Variants in FBXW8 observed in about 807,000 individuals in gnomAD.
FBXW8 encodes F-box/WD repeat-containing protein 8.
A neutral mutation model predicts 65.3 loss-of-function variants in FBXW8; 57 were observed. The ratio of observed to expected loss-of-function variants is 0.87; its 90% CI spans 0.71 to 1.09. The LOEUF (loss-of-function observed/expected upper bound fraction) is 1.09. FBXW8 is among the 50% of genes least tolerant of loss of function. FBXW8 has a pLI of 0.00. For missense variants in FBXW8, 777 were observed against 814.8 expected (o/e 0.95, Z 0.57); for synonymous variants, 308 against 330.2 (o/e 0.93, Z 0.73).
chr12:116,929,847 C>T (rs923251836), intron 2 of FBXW8, among the ~76,000 whole-genome samples: 2 of 152,116 alleles, frequency 1.3e-5, no homozygotes, highest in African/African-American at 4.8e-5. Context: ...CATCCTGCCC[C>T]GCCAGCCACT....
chr12:116,987,240 C>T (rs1221378659), intron 6 of FBXW8: 1 of 152,336 alleles, frequency 6.6e-6, no homozygotes, highest in African/African-American at 2.4e-5. Context: ...GGACCGTGTT[C>T]TGGAGGCCGG....
intron 2 of FBXW8, among the ~76,000 whole-genome samples, chr12:116,942,279 C>T (rs1272448119): frequency 6.6e-6 from 1 of 151,934 alleles, no homozygotes; most frequent in Non-Finnish European, 1.5e-5. Context: ...CCTCGGCCTC[C>T]AAAGGTGCTA....
chr12:116,932,420 T>C (rs1010189375), intron 2 of FBXW8, among the ~76,000 whole-genome samples: 2 of 152,214 alleles, frequency 1.3e-5, no homozygotes, highest in Non-Finnish European at 1.5e-5. Context: ...GTTCAGCATA[T>C]GAAGGCGGTT....
At chr12:116,959,433 T>G (rs116645884) in intron 4 of FBXW8, among the ~76,000 whole-genome samples, 28 of 152,300 alleles carry the variant, frequency 1.8e-4, no homozygotes, top group African/African-American at 6.5e-4. Context: ...GCTGTGCCAC[T>G]AAAATGTTTC....
intron 7 of FBXW8, among the ~76,000 whole-genome samples, chr12:116,993,745 T>C (rs1164862192): frequency 1.3e-5 from 2 of 152,224 alleles, no homozygotes; most frequent in East Asian, 3.8e-4. Flanking sequence ...AACTTTTTAG[T>C]TTAATTAGGT....
At chr12:117,002,784 T>C (rs1953564222) in intron 7 of FBXW8, 1 of 152,238 alleles carries the variant, frequency 6.6e-6, no homozygotes, top group Non-Finnish European at 1.5e-5. Context: ...GATTTACTCT[T>C]TTGTCACTGG....
intron 4 of FBXW8, among the ~76,000 whole-genome samples, chr12:116,964,183 C>G (rs1350673374): frequency 2.0e-5 from 3 of 152,226 alleles, no homozygotes; most frequent in Non-Finnish European, 4.4e-5. Flanking sequence ...TTAATTGTTT[C>G]AGCAAATCAA....
chr12:116,985,003 GTAAAA>G (rs1885565427), intron 5 of FBXW8, among the ~76,000 whole-genome samples, 198 bp from the exon 6 acceptor site: 4 of 152,018 alleles, frequency 2.6e-5, no homozygotes, highest in Non-Finnish European at 2.9e-5. Context: ...AAATAAAAAA[GTAAAA>G]TAAAATATTG....
At chr12:116,921,769 A>G (rs2137296566) in intron 1 of FBXW8, among the ~76,000 whole-genome samples, 1 of 150,566 alleles carries the variant, frequency 6.6e-6, no homozygotes, top group Non-Finnish European at 1.5e-5. Flanking sequence ...AAAAGTCTTT[A>G]GTAATATAAT....
chr12:117,022,558 G>A lies in FBXW8; in HGVS notation c.1368-1589G>A, dbSNP rs916516030. On this transcript the variant is annotated intron_variant, in intron 8 of 10. Coordinates refer to ENST00000652555, the MANE Select transcript of FBXW8 (RefSeq NM_153348.3). ...TAGTCCCAGCTATTCGGGACGCTGA[G>A]GTGGGAGGATCACCTGAGCCCAGGA... Among the ~76,000 whole-genome samples, 8 of 152,146 alleles carry A rather than the reference G, an allele frequency of 5.3e-5. No individual in the cohort carries two copies. The East Asian group carries it at 1.2e-3, about 22-fold the overall frequency.
At chr12:117,009,178 G>A (rs944126532) in intron 7 of FBXW8, among the ~76,000 whole-genome samples, 1 of 152,164 alleles carries the variant, frequency 6.6e-6, no homozygotes, top group African/African-American at 2.4e-5. Flanking sequence ...TTGAGACCCG[G>A]CTGGGCAACA....
chr12:117,028,124 C>A lies in FBXW8; in HGVS notation c.1749C>A (p.Ala583=). Residue 583 remains alanine (A), a synonymous_variant, in exon 11 of 11, where the codon GCC becomes GCA. Transcript: ENST00000652555. This position sits in a 1 kb window ranked among gnomAD's most constrained non-coding sequence, Gnocchi z 4.1. ...PVCRSSCDAM[A]THYYDLALAF... ...GCCGTTCATCCTGTGACGCCATGGC[C>A]ACTCACTACTACGACCTCGCACTGG... The A allele has an allele frequency of 2.5e-6, 4 of 1,614,200 alleles. No homozygotes were observed. Among genetic ancestry groups the A allele is most frequent in the Non-Finnish European group, 2.5e-6 (3 of 1,180,034 alleles).
intron 8 of FBXW8, among the ~76,000 whole-genome samples, chr12:117,022,722 T>G (rs1378094791): frequency 1.3e-5 from 2 of 152,158 alleles, no homozygotes; most frequent in Non-Finnish European, 2.9e-5. Context: ...TTTTTCCAGG[T>G]CTGACCGAAC....
intron 5 of FBXW8, among the ~76,000 whole-genome samples, chr12:116,965,582 A>G (rs1214513354): frequency 6.6e-6 from 1 of 152,190 alleles, no homozygotes; most frequent in Non-Finnish European, 1.5e-5. Flanking sequence ...CTTGCCCAAA[A>G]GTTGGGACCA....
intron 2 of FBXW8, among the ~76,000 whole-genome samples, chr12:116,930,484 T>G (rs555649973): frequency 6.6e-6 from 1 of 152,348 alleles, no homozygotes; most frequent in Non-Finnish European, 1.5e-5. Context: ...ATTTTTAAAT[T>G]GGGTTTTTTG....
At chr12:116,982,693 G>A (rs1885399560) in intron 5 of FBXW8, among the ~76,000 whole-genome samples, 1 of 151,136 alleles carries the variant, frequency 6.6e-6, no homozygotes, top group South Asian at 2.1e-4. Context: ...TTGTGGTGAA[G>A]GATATTTTAT....
chr12:116,928,756 G>T (rs1881537941), intron 2 of FBXW8, among the ~76,000 whole-genome samples: 1 of 152,072 alleles, frequency 6.6e-6, no homozygotes, highest in Non-Finnish European at 1.5e-5. Flanking sequence ...AATCATGGGG[G>T]AATCTTGATA....
intron 5 of FBXW8, among the ~76,000 whole-genome samples, chr12:116,981,152 A>G (rs188351217): frequency 1.6e-3 from 240 of 152,342 alleles, no homozygotes; most frequent in Non-Finnish European, 2.5e-3. Flanking sequence ...GTTATTCACT[A>G]TTCAAGTCCT....
At chr12:116,994,103 G>A (rs555090784) in intron 7 of FBXW8, among the ~76,000 whole-genome samples, 8 of 152,178 alleles carry the variant, frequency 5.3e-5, no homozygotes, top group Non-Finnish European at 1.0e-4. Context: ...CCCATTACCT[G>A]ACTTCAAATT....
Sources: gnomAD v4.1 joint callset for allele counts (sites outside exome capture counted in the v4.1 genomes callset) on GRCh38, gnomAD v4.1.1 for gene constraint, Gnocchi (gnomAD v3.1) non-coding constraint, MANE v1.5 for transcripts, NCBI Gene and HGNC (gene_info 2026-07-23, HGNC 2026-07-21) for gene names.